Variants in SORCS1 observed in about 807,000 individuals in gnomAD.
The protein encoded by SORCS1 is VPS10 domain-containing receptor SorCS1.
A neutral mutation model predicts 146.1 loss-of-function variants in SORCS1; 60 were observed. The observed-to-expected ratio is 0.41, with a 90% CI of 0.33 to 0.51. The LOEUF is 0.51. Among genes scored for constraint, SORCS1 ranks in the 20% least tolerant of loss-of-function variants. The pLI is 0.21. For synonymous variants in SORCS1, 637 were observed against 584.0 expected, an observed-to-expected ratio of 1.09 and a Z score of -1.31; for missense variants, 1,352 against 1,487.6, an observed-to-expected ratio of 0.91 and a Z score of 1.50.
chr10:106,765,370 A>AG (rs111784581), intron 4 of SORCS1, among the ~76,000 whole-genome samples: 7 of 145,300 alleles, frequency 4.8e-5, no homozygotes, highest in African/African-American at 1.7e-4. Context: ...CCTCTCCTGA[A>AG]GGGTTTTTTT....
At chr10:106,703,884 G>A (rs1245350503) in intron 8 of SORCS1, among the ~76,000 whole-genome samples, 1 of 152,188 alleles carries the variant, frequency 6.6e-6, no homozygotes, top group Non-Finnish European at 1.5e-5. Context: ...TTCATCTGCT[G>A]TACTAGCCCC....
chr10:107,145,903 C>T lies in SORCS1; in HGVS notation c.558+18066G>A, dbSNP rs531180431. Among the ~76,000 whole-genome samples, 3 of 152,266 alleles carry T rather than the reference C, an allele frequency of 2.0e-5. No individual in the cohort carries two copies. The South Asian group carries it at 6.2e-4, about 32-fold the overall frequency. The stretch of plus-strand genomic sequence containing the variant: ...TTGCAAAATGACTATCATTTTAGCT[C>T]TATTTTTAAGTCAGTGCCTTATTTC... On this transcript the variant is annotated intron_variant, in intron 1 of 25. Coordinates refer to ENST00000263054, the MANE Select transcript of SORCS1 (RefSeq NM_052918.5).
chr10:106,882,877 G>A (rs1950858060), intron 2 of SORCS1, among the ~76,000 whole-genome samples: 1 of 152,122 alleles, frequency 6.6e-6, no homozygotes, highest in Non-Finnish European at 1.5e-5. Flanking sequence ...TTGTTGAGGT[G>A]GAACACTGAA....
intron 1 of SORCS1, among the ~76,000 whole-genome samples, chr10:106,990,057 AAAG>A (rs1956702565): frequency 6.6e-6 from 1 of 152,262 alleles, no homozygotes; most frequent in African/African-American, 2.4e-5. Flanking sequence ...GAACAGGTGC[AAAG>A]AAGGGCCACC....
chr10:107,179,292 A>G, the SORCS1 span, among the ~76,000 whole-genome samples: 3 of 152,306 alleles, frequency 2.0e-5, no homozygotes, highest in South Asian at 2.1e-4. Flanking sequence ...TTTTCACTAC[A>G]AAGAAAAGTA....
At chr10:107,165,945 G>T (rs1466894798), upstream of SORCS1, among the ~76,000 whole-genome samples, 2 of 152,144 alleles carry the variant, frequency 1.3e-5, no homozygotes, top group Non-Finnish European at 2.9e-5. This position sits in a 1 kb window ranked among gnomAD's most constrained non-coding sequence, Gnocchi z 4.0. Context: ...GCTACTATTC[G>T]TAAGTTCAGA....
At chr10:106,607,831 C>G (rs1328291272) in intron 22 of SORCS1, among the ~76,000 whole-genome samples, 1 of 152,140 alleles carries the variant, frequency 6.6e-6, no homozygotes, top group Non-Finnish European at 1.5e-5. Context: ...CCACCACATC[C>G]TAACCACCTA....
At chr10:107,152,316 G>A (rs796264377) in intron 1 of SORCS1, among the ~76,000 whole-genome samples, 2 of 152,330 alleles carry the variant, frequency 1.3e-5, no homozygotes, top group African/African-American at 4.8e-5. Flanking sequence ...TAGGACAGAG[G>A]AGAAGGGAAA....
chr10:107,150,702 G>C (rs1328205671), intron 1 of SORCS1, among the ~76,000 whole-genome samples: 1 of 152,216 alleles, frequency 6.6e-6, no homozygotes, highest in Admixed American at 6.5e-5. Context: ...GGAGAAAACT[G>C]AACCATGGGA....
intron 5 of SORCS1, among the ~76,000 whole-genome samples, chr10:106,740,018 AAAT>A (rs1459759492): frequency 6.6e-6 from 1 of 152,022 alleles, no homozygotes; most frequent in Non-Finnish European, 1.5e-5. Flanking sequence ...GACCCCATGG[AAAT>A]GATATTCTAT....
At position 106,904,380 on chromosome 10, in the gene SORCS1, A is replaced by G. The variant is rs116680574; in HGVS notation, c.626+52133T>C. Among the ~76,000 whole-genome samples the G allele has an allele frequency of 8.0e-3, 1,212 of 152,352 alleles. 20 individuals carry two copies. Among genetic ancestry groups the G allele is most frequent in the African/African-American group, 0.028 (1,157 of 41,582 alleles). On this transcript the variant is annotated intron_variant, in intron 2 of 25. Coordinates refer to ENST00000263054, the MANE Select transcript of SORCS1 (RefSeq NM_052918.5). ...TTTACCTTCTACTGGAGGAAAGGAA[A>G]TATACATATCAATGGCTCAGCCCCA...
At chr10:106,921,268 T>C (rs1952698513) in intron 2 of SORCS1, among the ~76,000 whole-genome samples, 1 of 152,106 alleles carries the variant, frequency 6.6e-6, no homozygotes, top group African/African-American at 2.4e-5. Flanking sequence ...GGAAAGAAAA[T>C]AGCCCAGAAC....
intron 1 of SORCS1, among the ~76,000 whole-genome samples, chr10:107,057,909 C>A (rs1960803087): frequency 6.6e-6 from 1 of 152,248 alleles, no homozygotes; most frequent in Admixed American, 6.5e-5. Flanking sequence ...GCCTCAAATT[C>A]CTGGCTTCAA....
chr10:106,999,096 C>T (rs923650789), intron 1 of SORCS1, among the ~76,000 whole-genome samples: 1 of 152,096 alleles, frequency 6.6e-6, no homozygotes, highest in Non-Finnish European at 1.5e-5. Context: ...AAATGCCTTC[C>T]AAGAGCCTGC....
intron 3 of SORCS1, among the ~76,000 whole-genome samples, chr10:106,828,018 C>T (rs1167986878): frequency 1.3e-5 from 2 of 152,138 alleles, no homozygotes; most frequent in Non-Finnish European, 2.9e-5. Context: ...GAAGAGAAAA[C>T]ATTAATTAAG....
At chr10:107,168,666 C>CT (rs57998261), upstream of SORCS1, among the ~76,000 whole-genome samples, 358 of 119,234 alleles carry the variant, frequency 3.0e-3, 1 homozygote, top group South Asian at 5.0e-3. Context: ...CAGCTCATGC[C>CT]TTTTTTTTTT....
At chr10:106,972,163 C>T (rs1955815196) in intron 1 of SORCS1, among the ~76,000 whole-genome samples, 1 of 152,066 alleles carries the variant, frequency 6.6e-6, no homozygotes, top group African/African-American at 2.4e-5. Context: ...AGGTGGATCA[C>T]CAGAGGTCAG....
At chr10:106,607,372 G>C in intron 22 of SORCS1, 75 bp from the exon 23 acceptor site, 2 of 1,571,936 alleles carry the variant, frequency 1.3e-6, no homozygotes, top group Middle Eastern at 2.1e-4. Flanking sequence ...ATTTGGTGGG[G>C]GGATCAGGGG....
chr10:106,724,279 C>T (rs1276537480), intron 6 of SORCS1, among the ~76,000 whole-genome samples: 5 of 152,002 alleles, frequency 3.3e-5, no homozygotes, highest in Non-Finnish European at 5.9e-5. Context: ...GAGGCCGAGG[C>T]GGGCGGATCT....
Sources: allele counts gnomAD v4.1 joint callset (sites outside exome capture counted in the v4.1 genomes callset), GRCh38; gene constraint gnomAD v4.1.1; non-coding constraint Gnocchi (gnomAD v3.1); transcripts MANE v1.5; gene names NCBI Gene and HGNC (gene_info 2026-07-23, HGNC 2026-07-21).